LEMD3: variants seen among roughly 807,000 people sequenced by gnomAD.
The protein encoded by LEMD3 is inner nuclear membrane protein Man1.
In LEMD3, 33 loss-of-function variants were observed where a neutral mutation model predicts 95.2. The ratio of observed to expected loss-of-function variants is 0.35; its 90% CI spans 0.26 to 0.46. The LOEUF is 0.46. Among genes scored for constraint, LEMD3 ranks in the 20% least tolerant of loss-of-function variants. The pLI, the probability that LEMD3 is intolerant of heterozygous loss-of-function variation, is 1.00. For missense variants in LEMD3, 1,210 were observed against 1,192.8 expected (o/e 1.01, Z -0.21); for synonymous variants, 525 against 474.6 (o/e 1.11, Z -1.38).
intron 8 of LEMD3, 200 bp downstream of exon 8, chr12:65,240,438 G>A (rs1213006042): frequency 8.9e-6 from 5 of 559,522 alleles, no homozygotes; most frequent in Non-Finnish European, 1.3e-5. Context: ...GTGACACCTG[G>A]ATTTCTAAGT....
At chr12:65,215,189 G>A (rs930872355) in intron 2 of LEMD3, among the ~76,000 whole-genome samples, 10 of 152,138 alleles carry the variant, frequency 6.6e-5, no homozygotes, top group Non-Finnish European at 1.0e-4. Flanking sequence ...ATGCTTTCAT[G>A]CCTTCATGCC....
rs770601096 is a variant in LEMD3, at chr12:65,170,655, C to A, written c.1059C>A (p.Pro353=). 2 of 1,614,192 alleles carry A rather than the reference C, an allele frequency of 1.2e-6. No homozygotes were observed. Among genetic ancestry groups the A allele is most frequent in the South Asian group, 2.2e-5 (2 of 91,082 alleles). ...GGTGTGATCAAGTGGACTCCAGCCC[C>A]GTTCCTAGATACCGTGTTAACGCTA... ...GGGCDQVDSS[P]VPRYRVNAKK... Residue 353 remains proline (P), a synonymous_variant, in exon 1 of 13, where the codon CCC becomes CCA. Coordinates refer to ENST00000308330, the MANE Select transcript of LEMD3 (RefSeq NM_014319.5).
rs764695092 is a variant in LEMD3 at position 65,171,132 on chromosome 12, C to A, written c.1522+14C>A. On this transcript the variant is annotated intron_variant, in intron 1 of 12. Transcript: ENST00000308330. ...GAGAACTCAGCAGTAAGTATTAAAT[C>A]CTGTGGGTAAGGTAACAAAGAGAAT... 25 of 1,607,316 alleles carry A rather than the reference C, an allele frequency of 1.6e-5. No homozygotes were observed. Among genetic ancestry groups the A allele is most frequent in the Non-Finnish European group, 1.9e-5 (22 of 1,179,998 alleles).
chr12:65,175,192 T>C (rs1868677305), intron 1 of LEMD3, among the ~76,000 whole-genome samples: 1 of 152,190 alleles, frequency 6.6e-6, no homozygotes, highest in African/African-American at 2.4e-5. Context: ...AGTCAGAATT[T>C]TAAGTGATAT....
chr12:65,192,979 G>C (rs1424163218), intron 1 of LEMD3, among the ~76,000 whole-genome samples: 1 of 152,158 alleles, frequency 6.6e-6, no homozygotes. Flanking sequence ...GGTAGTCATC[G>C]TGAAAGCAAG....
chr12:65,235,528 GA>G (rs1419738904), intron 4 of LEMD3, among the ~76,000 whole-genome samples: 1 of 151,506 alleles, frequency 6.6e-6, no homozygotes, highest in East Asian at 1.9e-4. Flanking sequence ...GCAATAAAAA[GA>G]AAAAAAGTAC....
At chr12:65,200,914 G>A (rs1321132503) in intron 1 of LEMD3, among the ~76,000 whole-genome samples, 1 of 152,068 alleles carries the variant, frequency 6.6e-6, no homozygotes, top group Non-Finnish European at 1.5e-5. Context: ...TTATCTTCTA[G>A]GAGTTTTATA....
intron 10 of LEMD3, 48 bp downstream of exon 10, chr12:65,243,517 G>T: frequency 9.0e-7 from 1 of 1,107,262 alleles, no homozygotes; most frequent in South Asian, 1.2e-5. Flanking sequence ...CTGAATATTT[G>T]GCTGGAAAAT....
intron 1 of LEMD3, among the ~76,000 whole-genome samples, chr12:65,195,673 A>G (rs916510411): frequency 7.2e-5 from 11 of 152,148 alleles, no homozygotes; most frequent in African/African-American, 1.7e-4. Flanking sequence ...AGACGAGTGT[A>G]GGTAAAGCCC....
intron 1 of LEMD3, among the ~76,000 whole-genome samples, chr12:65,186,844 A>G (rs1475562767): frequency 1.3e-5 from 2 of 152,016 alleles, no homozygotes; most frequent in African/African-American, 2.4e-5. Flanking sequence ...TAAATAGGCT[A>G]TAGTAGTATG....
chr12:65,181,872 T>G (rs1868914693), intron 1 of LEMD3, among the ~76,000 whole-genome samples: 2 of 152,060 alleles, frequency 1.3e-5, no homozygotes, highest in Non-Finnish European at 2.9e-5. Flanking sequence ...CTAGAAATAT[T>G]CTTATCCTTT....
At chr12:65,245,193 T>C (rs1428725021) in intron 10 of LEMD3, 3 of 158,060 alleles carry the variant, frequency 1.9e-5, no homozygotes, top group African/African-American at 7.4e-5. Context: ...TGCAGTGGCG[T>C]GATCTCGGCT....
Position 65,170,016 on chromosome 12 carries a change from C to A in LEMD3, c.420C>A (p.Ser140Arg). Residue 140 changes from serine to arginine, a missense_variant, in exon 1 of 13, where the codon AGC (serine) becomes AGA (arginine). Physicochemically the swap from Ser to Arg is moderately radical, Grantham distance 110 (BLOSUM62 -1). Transcript: ENST00000308330. ...GCAGCAAAGTGCTGCTGGGCTTCAG[C>A]TCGGACGAGTCGGACGTGGAGGCCA... ...AAGSKVLLGF[S>R]SDESDVEASP... 1 of 1,506,092 alleles carries A rather than the reference C, an allele frequency of 6.6e-7. No individual in the cohort carries two copies. The highest frequency in any genetic ancestry group is 1.3e-5 in the South Asian group (1 of 79,988). The allele number at this position is 1,506,092 out of a possible 1,614,324, so 93.3% of individuals were successfully genotyped here.
At chr12:65,234,154 A>G (rs887038327) in intron 4 of LEMD3, among the ~76,000 whole-genome samples, 2 of 152,214 alleles carry the variant, frequency 1.3e-5, no homozygotes, top group African/African-American at 4.8e-5. Flanking sequence ...GCCATGGCTT[A>G]TGGGCCAGAT....
chr12:65,169,606 G>A lies in LEMD3; in HGVS notation c.10G>A (p.Ala4Thr), dbSNP rs2136312021. The A allele has an allele frequency of 1.3e-6, 2 of 1,587,858 alleles. No homozygotes were observed. Among genetic ancestry groups the A allele is most frequent in the Non-Finnish European group, 1.7e-6 (2 of 1,169,290 alleles). ...ACACCCTGGAGAGAAAATGGCGGCG[G>A]CAGCAGCTTCGGCGCCTCAGCAGCT... Reference protein sequence around the residue: MAAAAASAPQQLSD... With the variant: MAATAASAPQQLSD... The change falls in exon 1 of 13, where the codon GCA becomes ACA. Residue 4 changes from alanine (A) to threonine (T), a missense_variant. Ala to Thr is a moderately conservative substitution (Grantham distance 58, BLOSUM62 0). Transcript: ENST00000308330.
At chr12:65,246,000 T>C in intron 12 of LEMD3, 61 bp downstream of exon 12, 1 of 1,374,992 alleles carries the variant, frequency 7.3e-7, no homozygotes, top group Non-Finnish European at 1.0e-6. Flanking sequence ...TTTTAAACTA[T>C]ACCAGATTTC....
At chr12:65,183,941 T>C (rs1057413434) in intron 1 of LEMD3, among the ~76,000 whole-genome samples, 1 of 152,148 alleles carries the variant, frequency 6.6e-6, no homozygotes, top group East Asian at 1.9e-4. Context: ...GAGAGATGGC[T>C]CTTTGAGTCT....
intron 1 of LEMD3, 70 bp downstream of exon 1, chr12:65,171,188 G>A: frequency 5.6e-6 from 9 of 1,596,894 alleles, no homozygotes; most frequent in Non-Finnish European, 7.6e-6. Flanking sequence ...GCCGCGCTTA[G>A]CGTTTTACAT....
At chr12:65,182,797 G>A (rs901657672) in intron 1 of LEMD3, among the ~76,000 whole-genome samples, 1 of 152,074 alleles carries the variant, frequency 6.6e-6, no homozygotes, top group Non-Finnish European at 1.5e-5. Flanking sequence ...AATGAGGATG[G>A]GTCTTGGAGT....
Sources: gnomAD v4.1 joint callset for allele counts (sites outside exome capture counted in the v4.1 genomes callset) on GRCh38, gnomAD v4.1.1 for gene constraint, MANE v1.5 for transcripts, NCBI Gene and HGNC (gene_info 2026-07-23, HGNC 2026-07-21) for gene names.